The following NINL variants were observed in gnomAD, a reference collection of about 807,000 sequenced individuals.
The protein encoded by NINL is ninein like, also known as ninein-like protein.
Under a neutral mutation model 160.3 loss-of-function variants are expected in NINL, and 153 were observed. The observed-to-expected ratio is 0.95, with a 90% CI of 0.84 to 1.09. The LOEUF (loss-of-function observed/expected upper bound fraction) is 1.09. NINL is among the 50% of genes least tolerant of loss of function. The probability of loss-of-function intolerance (pLI) is 0.00; values close to 1 mark genes in which losing one functional copy is unlikely to be tolerated. For synonymous variants in NINL, 800 were observed against 734.8 expected, an observed-to-expected ratio of 1.09 and a Z score of -1.43; for missense variants, 1,829 against 1,764.0, an observed-to-expected ratio of 1.04 and a Z score of -0.66.
rs770805421 is a variant in NINL at position 25,476,762 on chromosome 20, T to C, written c.2529A>G (p.Thr843=). The part of the protein sequence containing the change: ...GLVAGSGQEG[T]RGLLPLRPGC... ...CCGGACGCAGTGGTAGGAGGCCACGTGTGCCCTCCTGGCCACTTCCTGCCA... is the reference window on the plus strand; with the variant it reads ...CCGGACGCAGTGGTAGGAGGCCACGCGTGCCCTCCTGGCCACTTCCTGCCA... Residue 843 remains threonine (T), a synonymous_variant, in exon 17 of 24, where the codon ACA becomes ACG. Coordinates refer to ENST00000278886, the MANE Select transcript of NINL (RefSeq NM_025176.6). 1.9e-6 allele frequency: 3 copies of C among 1,610,328 alleles called. No homozygotes were observed. Among genetic ancestry groups the C allele is most frequent in the Non-Finnish European group, 2.5e-6 (3 of 1,179,802 alleles).
At chr20:25,477,149 T>C in intron 16 of NINL, 60 bp from the exon 17 acceptor site, 5 of 1,458,178 alleles carry the variant, frequency 3.4e-6, no homozygotes, top group Non-Finnish European at 4.5e-6. Context: ...TCTCTCGGGT[T>C]TGAAGTCTGC....
At chr20:25,477,175 G>C in intron 16 of NINL, 86 bp from the exon 17 acceptor site, 1 of 1,259,776 alleles carries the variant, frequency 7.9e-7, no homozygotes, top group East Asian at 2.5e-5. Context: ...TGTTGCAACG[G>C]CTGCGACCTC....
At chr20:25,507,405 T>TGGAA (rs949972902) in intron 5 of NINL, among the ~76,000 whole-genome samples, 3 of 152,200 alleles carry the variant, frequency 2.0e-5, no homozygotes, top group Admixed American at 2.0e-4. Context: ...TTTGAAGCTG[T>TGGAA]GGAAACAGCT....
intron 10 of NINL, among the ~76,000 whole-genome samples, chr20:25,495,142 G>A (rs1026467060): frequency 2.0e-5 from 3 of 152,142 alleles, no homozygotes; most frequent in Non-Finnish European, 2.9e-5. Flanking sequence ...CAGAGGCCAC[G>A]GACCCATCAG....
intron 8 of NINL, among the ~76,000 whole-genome samples, chr20:25,500,532 C>T (rs965411078): frequency 6.6e-6 from 1 of 152,190 alleles, no homozygotes; most frequent in African/African-American, 2.4e-5. Context: ...AATTTCTTTC[C>T]ATTCATCTAA....
intron 1 of NINL, among the ~76,000 whole-genome samples, chr20:25,527,129 T>C (rs188446779): frequency 6.6e-6 from 1 of 152,198 alleles, no homozygotes; most frequent in African/African-American, 2.4e-5. Flanking sequence ...AACACTACTA[T>C]TAATATTTTG....
intron 8 of NINL, among the ~76,000 whole-genome samples, chr20:25,500,497 A>G (rs1460781682): frequency 6.6e-6 from 1 of 152,250 alleles, no homozygotes; most frequent in African/African-American, 2.4e-5. Flanking sequence ...GGTGCCCAAC[A>G]GAAATCGTCA....
Position 25,489,274 on chromosome 20 carries a change from T to G in NINL, c.1647A>C (p.Ala549=), listed in dbSNP as rs144574239. 250 of 1,614,124 alleles carry G rather than the reference T, an allele frequency of 1.5e-4. No homozygotes were observed. The African/African-American group carries it at 3.0e-3, about 19-fold the overall frequency. Residue 549 remains alanine (A), a synonymous_variant, in exon 13 of 24, where the codon GCA becomes GCC. Transcript: ENST00000278886. ...ACTTGAGCTCGTATTCCTTCAGGACTGCTGCGAACCGCTCCTCCTGGGCCA... is the reference window on the plus strand; with the variant it reads ...ACTTGAGCTCGTATTCCTTCAGGACGGCTGCGAACCGCTCCTCCTGGGCCA... The part of the protein sequence containing the change: ...ELLAQEERFA[A]VLKEYELKCR...
intron 1 of NINL, among the ~76,000 whole-genome samples, chr20:25,533,736 G>T (rs747381319): frequency 1.3e-5 from 2 of 152,150 alleles, no homozygotes; most frequent in Non-Finnish European, 2.9e-5. Flanking sequence ...ACAAGCAAAA[G>T]AACTCAGTTT....
intron 1 of NINL, among the ~76,000 whole-genome samples, chr20:25,577,894 G>A (rs1447324772): frequency 2.6e-5 from 4 of 151,134 alleles, no homozygotes; most frequent in South Asian, 2.1e-4. Context: ...ATGCAATGGC[G>A]CGATCTCGGC....
At position 25,476,765 on chromosome 20, in the gene NINL, G is replaced by C. The variant is rs759020974; in HGVS notation, c.2526C>G (p.Gly842=). The C allele has an allele frequency of 6.8e-6, 11 of 1,610,502 alleles. No homozygotes were observed. The highest frequency in any genetic ancestry group is 9.3e-6 in the Non-Finnish European group (11 of 1,179,806). ...DGLVAGSGQE[G]TRGLLPLRPG... ...GACGCAGTGGTAGGAGGCCACGTGT[G>C]CCCTCCTGGCCACTTCCTGCCACCA... The change falls in exon 17 of 24, where the codon GGC becomes GGG. Residue 842 remains glycine, a synonymous_variant. Coordinates refer to ENST00000278886, the MANE Select transcript of NINL (RefSeq NM_025176.6).
rs777185881 is a variant in NINL at position 25,480,166 on chromosome 20, T to C, written c.1912A>G (p.Thr638Ala). 2.8e-5 allele frequency: 45 copies of C among 1,613,062 alleles called. No individual in the cohort carries two copies. The East Asian group carries it at 9.8e-4, about 35-fold the overall frequency. The change falls in exon 15 of 24, where the codon ACC becomes GCC. Residue 638 changes from threonine (T) to alanine (A), a missense_variant. Physicochemically the swap from Thr to Ala is moderately conservative, Grantham distance 58. Transcript: ENST00000278886. Reference protein sequence around the residue: ...HYQDLRTQLETKVNYYEREIA... With the variant: ...HYQDLRTQLEAKVNYYEREIA... ...CAGCCCCATAATCCCCTCACCTTGG[T>C]CTCCAGCTGGGTCCTGAGGTCTTGG...
At chr20:25,529,058 A>G (rs984552082) in intron 1 of NINL, among the ~76,000 whole-genome samples, 18 of 152,194 alleles carry the variant, frequency 1.2e-4, no homozygotes, top group African/African-American at 4.3e-4. Flanking sequence ...CAACTCCCCA[A>G]TGGAAAATGT....
chr20:25,461,432 G>T (rs1027614657), intron 21 of NINL, 90 bp downstream of exon 21: 8 of 757,468 alleles, frequency 1.1e-5, no homozygotes, highest in Non-Finnish European at 1.7e-5. Context: ...TCTTTGGGCT[G>T]GAGGAGGCCT....
At chr20:25,474,775 C>T (rs904963116) in intron 17 of NINL, among the ~76,000 whole-genome samples, 5 of 150,732 alleles carry the variant, frequency 3.3e-5, no homozygotes, top group South Asian at 2.1e-4. Context: ...CCACCATGCC[C>T]GGCTAATTTT....
chr20:25,556,965 T>C (rs2064874205), intron 1 of NINL, among the ~76,000 whole-genome samples: 5 of 152,090 alleles, frequency 3.3e-5, no homozygotes, highest in Admixed American at 3.3e-4. Context: ...CAGGGGAGTT[T>C]CCCACCTCCA....
intron 1 of NINL, among the ~76,000 whole-genome samples, chr20:25,577,214 C>G (rs2065124887): frequency 6.6e-6 from 1 of 152,222 alleles, no homozygotes; most frequent in Admixed American, 6.5e-5. Flanking sequence ...AGCCCGCCCT[C>G]TGGAGTCCCT....
At position 25,491,307 on chromosome 20, in the gene NINL, C is replaced by T. The variant is rs373829537; in HGVS notation, c.1485+44G>A. The T allele has an allele frequency of 1.5e-5, 23 of 1,565,402 alleles. No individual in the cohort carries two copies. The African/African-American group carries it at 2.2e-4, about 15-fold the overall frequency. On this transcript the variant is annotated intron_variant, in intron 11 of 23. Coordinates refer to ENST00000278886, the MANE Select transcript of NINL (RefSeq NM_025176.6). Reference sequence around the variant, plus strand: ...GGATGACGTGGGTGTGGGGAATGCTCAGGCACCCCCCCAGCTTCCTGGATG... The same window carrying T: ...GGATGACGTGGGTGTGGGGAATGCTTAGGCACCCCCCCAGCTTCCTGGATG...
In NINL at chr20:25,526,739, G is replaced by A. The variant is rs903450453; in HGVS notation, c.-11-141C>T. ...TGTGGGGAAGGCACCAGGGACCCTTGCAGGGCCAAGCACACAGTGGGAGGA... is the reference window on the plus strand; with the variant it reads ...TGTGGGGAAGGCACCAGGGACCCTTACAGGGCCAAGCACACAGTGGGAGGA... On this transcript the variant is annotated intron_variant, in intron 1 of 23. Transcript: ENST00000278886. The A allele has an allele frequency of 1.6e-5, 12 of 774,156 alleles. No individual in the cohort carries two copies. In the African/African-American group the frequency reaches 1.9e-4, roughly 12 times the overall value. The allele number at this position is 774,156 out of a possible 1,614,324, so 48.0% of individuals were successfully genotyped here. A position where few individuals can be genotyped will look rare whatever the true frequency, so the allele number is the denominator to read the frequency against.
Sources: allele counts gnomAD v4.1 joint callset (sites outside exome capture counted in the v4.1 genomes callset), GRCh38; gene constraint gnomAD v4.1.1; transcripts MANE v1.5; gene names NCBI Gene and HGNC (gene_info 2026-07-23, HGNC 2026-07-21).